NSD3: variants seen among roughly 807,000 people sequenced by gnomAD.
NSD3 encodes nuclear receptor binding SET domain protein 3.
In NSD3, 24 loss-of-function variants were observed where a neutral mutation model predicts 160.8. The ratio of observed to expected loss-of-function variants is 0.15; its 90% CI spans 0.11 to 0.21. The LOEUF (loss-of-function observed/expected upper bound fraction) is 0.21, where lower values mean the gene tolerates loss of function less well. NSD3 is among the 10% of genes least tolerant of loss of function. The pLI is 1.00. For missense variants in NSD3, 1,157 were observed against 1,735.9 expected (o/e 0.67, Z 5.93); for synonymous variants, 520 against 600.0 (o/e 0.87, Z 1.95).
chr8:38,329,645 C>T lies in NSD3; in HGVS notation c.1314G>A (p.Val438=), dbSNP rs1437974820. 5 of 1,614,204 alleles carry T rather than the reference C, an allele frequency of 3.1e-6. No homozygotes were observed. The highest frequency in any genetic ancestry group is 4.2e-6 in the Non-Finnish European group (5 of 1,180,044). Residue 438 remains valine (V), a synonymous_variant, in exon 6 of 24, where the codon GTG becomes GTA. Transcript: ENST00000317025. The surrounding 1 kb of genome is among the most constrained non-coding windows in gnomAD (Gnocchi z 4.8). ...TTTCAGTACTTGAGAGTGAGGAGGC[C>T]ACCTCCCCTGCATTGGTCTGTTCTG... The part of the protein sequence containing the change: ...TQPEQTNAGE[V]ASSLSSTEIR...
Position 38,316,711 on chromosome 8 carries a change from T to A in NSD3, c.1856-669A>T. The A allele has an allele frequency of 9.5e-7, 1 of 1,056,394 alleles. No homozygotes were observed. The highest frequency in any genetic ancestry group is 1.1e-6 in the Non-Finnish European group (1 of 873,716). The allele number at this position is 1,056,394 out of a possible 1,614,324, so 65.4% of individuals were successfully genotyped here. On this transcript the variant is annotated intron_variant, in intron 9 of 23. Coordinates refer to ENST00000317025, the MANE Select transcript of NSD3 (RefSeq NM_023034.2). The surrounding 1 kb of genome is among the most constrained non-coding windows in gnomAD (Gnocchi z 4.5). Reference sequence around the variant, plus strand: ...TGTAAATGGACAATCAGTGTTCAAGTGCAGCCAAATCACGTAGAGCTGGAT... The same window carrying A: ...TGTAAATGGACAATCAGTGTTCAAGAGCAGCCAAATCACGTAGAGCTGGAT...
intron 12 of NSD3, among the ~76,000 whole-genome samples, chr8:38,307,126 AAAT>A (rs1213483527): frequency 1.4e-5 from 2 of 143,370 alleles, no homozygotes; most frequent in Admixed American, 7.0e-5. Context: ...AAAAAAAAAA[AAAT>A]AAAATAAAAT....
rs779202569 is a variant in NSD3 at position 38,338,623 on chromosome 8, T to C, written c.676-16A>G. 4.4e-6 allele frequency: 7 copies of C among 1,598,212 alleles called. No homozygotes were observed. In the South Asian group the frequency reaches 5.5e-5, roughly 13 times the overall value. The stretch of plus-strand genomic sequence containing the variant: ...CATTTGGTCTCTAGGTGAAAAGGTA[T>C]AGGTAAGTAGAATAAAATGGCATTA... On this transcript the variant is annotated splice_polypyrimidine_tract_variant and intron_variant, in intron 2 of 23. Coordinates refer to ENST00000317025, the MANE Select transcript of NSD3 (RefSeq NM_023034.2).
At chr8:38,313,282 C>T (rs1809576641) in intron 12 of NSD3, among the ~76,000 whole-genome samples, 1 of 152,056 alleles carries the variant, frequency 6.6e-6, no homozygotes, top group Non-Finnish European at 1.5e-5. Flanking sequence ...CCATCCTATT[C>T]ACCAGGGCAG....
chr8:38,315,658 C>T (rs1809642814), intron 10 of NSD3, 114 bp from the exon 11 acceptor site: 1 of 1,409,380 alleles, frequency 7.1e-7, no homozygotes, highest in East Asian at 2.4e-5. Context: ...GACACAACCA[C>T]CTTTTTCCTT....
Position 38,290,578 on chromosome 8 carries a change from A to G in NSD3, c.3015T>C (p.Ser1005=). The G allele has an allele frequency of 3.7e-6, 6 of 1,614,194 alleles. No homozygotes were observed. Among genetic ancestry groups the G allele is most frequent in the Non-Finnish European group, 5.1e-6 (6 of 1,180,022 alleles). The change falls in exon 17 of 24, where the codon TCT becomes TCC. Residue 1005 remains serine (S), a synonymous_variant. Transcript: ENST00000317025. The stretch of plus-strand genomic sequence containing the variant: ...CCTGGTGTACCCAGTAGTAGTCATG[A>G]GAACCAAAGAAGAATACAGGGAAGT... The part of the protein sequence containing the change: ...LGDFPVFFFG[S]HDYYWVHQGR...
At chr8:38,311,056 G>T in intron 12 of NSD3, among the ~76,000 whole-genome samples, 1 of 143,470 alleles carries the variant, frequency 7.0e-6, no homozygotes. Flanking sequence ...TTGTGGCTTT[G>T]ATTTGCATTT....
At chr8:38,293,922 C>CAA (rs11290856) in intron 16 of NSD3, among the ~76,000 whole-genome samples, 1,182 of 50,094 alleles carry the variant, frequency 0.024, 16 homozygotes, top group Middle Eastern at 0.048. Flanking sequence ...GACTCCGTCT[C>CAA]AAAAAAAAAA....
chr8:38,347,444 T>G, intron 2 of NSD3, 53 bp downstream of exon 2: 1 of 1,521,144 alleles, frequency 6.6e-7, no homozygotes. Flanking sequence ...TCTCTTGAAC[T>G]TCCAGTAAAT....
rs1258639109 is a variant in NSD3 at position 38,316,329 on chromosome 8, T to C, written c.1856-287A>G. On this transcript the variant is annotated intron_variant, in intron 9 of 23. Transcript: ENST00000317025. This position sits in a 1 kb window ranked among gnomAD's most constrained non-coding sequence, Gnocchi z 4.5. Reference sequence around the variant, plus strand: ...CGTTCCAACCTAAAAATCAATTCTATGAAAATTGCAGGATAGCTGATGGAT... The same window carrying C: ...CGTTCCAACCTAAAAATCAATTCTACGAAAATTGCAGGATAGCTGATGGAT... 6.5e-6 allele frequency: 7 copies of C among 1,078,770 alleles called. No homozygotes were observed. Among genetic ancestry groups the C allele is most frequent in the African/African-American group, 1.6e-5 (1 of 61,270 alleles). The allele number at this position is 1,078,770 out of a possible 1,614,324, so 66.8% of individuals were successfully genotyped here. A position where few individuals can be genotyped will look rare whatever the true frequency, so the allele number is the denominator to read the frequency against.
chr8:38,308,400 A>G (rs1350994679), intron 12 of NSD3, among the ~76,000 whole-genome samples: 1 of 152,148 alleles, frequency 6.6e-6, no homozygotes, highest in Non-Finnish European at 1.5e-5. Context: ...GTATATAGAT[A>G]TGAAGGTAAT....
intron 1 of NSD3, among the ~76,000 whole-genome samples, chr8:38,365,442 A>G (rs1341064621): frequency 6.6e-6 from 1 of 152,186 alleles, no homozygotes; most frequent in Non-Finnish European, 1.5e-5. Context: ...ATGCTACTAT[A>G]AAACAGGGTA....
intron 14 of NSD3, among the ~76,000 whole-genome samples, chr8:38,303,609 T>C (rs1435918805): frequency 3.9e-5 from 6 of 152,248 alleles, no homozygotes; most frequent in African/African-American, 9.6e-5. Context: ...TCTATCATAC[T>C]ACCTAAATTC....
At chr8:38,380,218 ACTCATCACTTAACACG>A (rs1237052211) in intron 1 of NSD3, among the ~76,000 whole-genome samples, 36 of 152,302 alleles carry the variant, frequency 2.4e-4, no homozygotes, top group African/African-American at 8.7e-4. Context: ...TTCTTAACAC[ACTCATCACTTAACACG>A]CTCATCACCT....
intron 1 of NSD3, among the ~76,000 whole-genome samples, chr8:38,370,692 A>G (rs1811223960): frequency 6.6e-6 from 1 of 152,082 alleles, no homozygotes; most frequent in Non-Finnish European, 1.5e-5. Context: ...ACTGGTTCAA[A>G]CCTTTCTGGA....
rs1808452904 is a variant in NSD3 at position 38,271,006 on chromosome 8, T to TC, written c.*4634dup. On this transcript the variant is annotated 3_prime_UTR_variant, in exon 24 of 24. Coordinates refer to ENST00000317025, the MANE Select transcript of NSD3 (RefSeq NM_023034.2). ...AGTGCAATTTTTTGTTTTGTTTTTTTCCCTACATAGACATAGTAAAAGGAA... is the reference window on the plus strand; with the variant it reads ...AGTGCAATTTTTTGTTTTGTTTTTTTCCCCTACATAGACATAGTAAAAGGAA... The TC allele has an allele frequency of 6.6e-6, 1 of 152,204 alleles. No homozygotes were observed. Among genetic ancestry groups the TC allele is most frequent in the South Asian group, 2.1e-4 (1 of 4,830 alleles). The allele number at this position is 152,204 out of a possible 1,614,324, so 9.4% of individuals were successfully genotyped here.
chr8:38,349,975 G>A lies in NSD3; in HGVS notation c.-44-1760C>T, dbSNP rs867378762. Among the ~76,000 whole-genome samples, 107 of 151,938 alleles carry A rather than the reference G, an allele frequency of 7.0e-4. 2 individuals carry two copies. In the Middle Eastern group the frequency reaches 0.01, roughly 14 times the overall value. ...CTTGCAATAGTTTGCTGAGAATGAT[G>A]GTTTCCAGCTTCATCCATGTCCCTA... On this transcript the variant is annotated intron_variant, in intron 1 of 23. Coordinates refer to ENST00000317025, the MANE Select transcript of NSD3 (RefSeq NM_023034.2).
intron 2 of NSD3, among the ~76,000 whole-genome samples, chr8:38,341,010 T>C (rs1475765660): frequency 6.6e-6 from 1 of 151,456 alleles, no homozygotes; most frequent in Non-Finnish European, 1.5e-5. Flanking sequence ...AAACAACAAA[T>C]GCCTGTAGTC....
At position 38,329,303 on chromosome 8, in the gene NSD3, T is replaced by C; in HGVS notation, c.1581+75A>G. ...AAAGGGTATTTAAATTATGCCAAGGTCATTGTTTTAAATGCCAAGGTTGAC... is the reference window on the plus strand; with the variant it reads ...AAAGGGTATTTAAATTATGCCAAGGCCATTGTTTTAAATGCCAAGGTTGAC... On this transcript the variant is annotated intron_variant, in intron 6 of 23. Transcript: ENST00000317025. This position sits in a 1 kb window ranked among gnomAD's most constrained non-coding sequence, Gnocchi z 4.8. The C allele has an allele frequency of 6.7e-7, 1 of 1,490,632 alleles. No homozygotes were observed. Among genetic ancestry groups the C allele is most frequent in the Non-Finnish European group, 9.1e-7 (1 of 1,102,850 alleles). 92.3% of individuals were successfully genotyped at this position (1,490,632 alleles called of 1,614,324 possible). A position where few individuals can be genotyped will look rare whatever the true frequency, so the allele number is the denominator to read the frequency against.
Sources: gnomAD v4.1 joint callset for allele counts (sites outside exome capture counted in the v4.1 genomes callset) on GRCh38, gnomAD v4.1.1 for gene constraint, Gnocchi (gnomAD v3.1) non-coding constraint, MANE v1.5 for transcripts, NCBI Gene and HGNC (gene_info 2026-07-23, HGNC 2026-07-21) for gene names.